Variants in SORCS3 observed in about 807,000 individuals in gnomAD.
SORCS3 encodes VPS10 domain-containing receptor SorCS3.
Under a neutral mutation model 146.3 loss-of-function variants are expected in SORCS3, and 57 were observed. The ratio of observed to expected loss-of-function variants is 0.39; its 90% CI spans 0.31 to 0.49. SORCS3 has a LOEUF of 0.49. Ranked by LOEUF, SORCS3 falls within the 20% of genes least tolerant of loss-of-function variation. The probability of loss-of-function intolerance (pLI) is 0.92; values close to 1 mark genes in which losing one functional copy is unlikely to be tolerated. For synonymous variants in SORCS3, 653 were observed against 618.5 expected (o/e 1.06, Z -0.83); for missense variants, 1,341 against 1,575.5 (o/e 0.85, Z 2.52).
chr10:104,757,400 A>G (rs2017066554), intron 1 of SORCS3, among the ~76,000 whole-genome samples: 1 of 152,074 alleles, frequency 6.6e-6, no homozygotes, highest in Non-Finnish European at 1.5e-5. Flanking sequence ...TCTTCATCTC[A>G]TTTGCAAAGC....
At chr10:105,100,644 A>T (rs1228056791) in intron 6 of SORCS3, among the ~76,000 whole-genome samples, 1 of 152,174 alleles carries the variant, frequency 6.6e-6, no homozygotes, top group Non-Finnish European at 1.5e-5. Context: ...CCGAACATCC[A>T]TTGCACTTAA....
chr10:104,970,287 C>G (rs2054852665), intron 3 of SORCS3, among the ~76,000 whole-genome samples: 2 of 152,072 alleles, frequency 1.3e-5, no homozygotes. Context: ...GCGGGGATTA[C>G]AGGTGTGTAC....
At position 104,867,027 on chromosome 10, in the gene SORCS3, C is replaced by T. The variant is rs182022941; in HGVS notation, c.695+24168C>T. On this transcript the variant is annotated intron_variant, in intron 2 of 26. Transcript: ENST00000369701. ...GAAGCCTACTGTGGCCTAGACACCA[C>T]GTGAGGAACTAGGGATTCCTGGGGT... Among the ~76,000 whole-genome samples, 218 of 152,188 alleles carry T rather than the reference C, an allele frequency of 1.4e-3. 1 individual carries two copies. Among genetic ancestry groups the T allele is most frequent in the Admixed American group, 8.1e-3 (124 of 15,280 alleles).
chr10:104,724,880 A>G (rs1167089020), intron 1 of SORCS3, among the ~76,000 whole-genome samples: 2 of 151,820 alleles, frequency 1.3e-5, no homozygotes, highest in Non-Finnish European at 2.9e-5. Context: ...CATTCGTCTA[A>G]TTTTTTTTCA....
chr10:104,736,721 T>G (rs2016777575), intron 1 of SORCS3, among the ~76,000 whole-genome samples: 1 of 152,068 alleles, frequency 6.6e-6, no homozygotes, highest in Non-Finnish European at 1.5e-5. Context: ...TTCAAAATAC[T>G]TCAATCTCAG....
chr10:104,708,234 T>C (rs1358724952), intron 1 of SORCS3, among the ~76,000 whole-genome samples: 3 of 152,174 alleles, frequency 2.0e-5, no homozygotes, highest in Non-Finnish European at 4.4e-5. Context: ...TGAGTAAATA[T>C]ACGGAACATT....
intron 3 of SORCS3, among the ~76,000 whole-genome samples, chr10:104,976,964 A>T (rs1161556674): frequency 1.3e-5 from 2 of 152,086 alleles, no homozygotes; most frequent in Non-Finnish European, 2.9e-5. Context: ...ATGCTAAATG[A>T]CGAGTTAATG....
intron 13 of SORCS3, 110 bp from the exon 14 acceptor site, chr10:105,177,956 C>A: frequency 1.4e-6 from 1 of 738,988 alleles, no homozygotes; most frequent in Non-Finnish European, 2.3e-6. Flanking sequence ...TGATAATCCA[C>A]ACTGCCAGAA....
chr10:105,018,666 C>T (rs1210151510), intron 4 of SORCS3, among the ~76,000 whole-genome samples: 1 of 152,148 alleles, frequency 6.6e-6, no homozygotes, highest in African/African-American at 2.4e-5. Flanking sequence ...CAAAATATAG[C>T]AATAATTCTA....
At chr10:104,849,972 C>T in intron 2 of SORCS3, among the ~76,000 whole-genome samples, 1 of 152,228 alleles carries the variant, frequency 6.6e-6, no homozygotes, top group East Asian at 1.9e-4. Flanking sequence ...TTTTCATACA[C>T]CAGATGCTGC....
chr10:104,871,328 A>G (rs2018516713), intron 2 of SORCS3, among the ~76,000 whole-genome samples: 2 of 152,324 alleles, frequency 1.3e-5, no homozygotes, highest in South Asian at 4.1e-4. Context: ...GGAGCTTTCC[A>G]GAAAAGTGGA....
intron 3 of SORCS3, among the ~76,000 whole-genome samples, chr10:104,917,283 T>G (rs2133601102): frequency 6.6e-6 from 1 of 152,318 alleles, no homozygotes; most frequent in East Asian, 1.9e-4. Context: ...ATTATTTAAA[T>G]TATTGGATTT....
chr10:104,843,508 T>C (rs1239429745), intron 2 of SORCS3, among the ~76,000 whole-genome samples: 2 of 152,216 alleles, frequency 1.3e-5, no homozygotes, highest in East Asian at 1.9e-4. Flanking sequence ...TAAAACACTT[T>C]TGGGGCCTCT....
intron 8 of SORCS3, among the ~76,000 whole-genome samples, chr10:105,143,874 C>T (rs774583625): frequency 2.0e-5 from 3 of 152,080 alleles, no homozygotes; most frequent in East Asian, 1.9e-4. Flanking sequence ...CATGGAGAAC[C>T]GGCTTCCTTG....
intron 4 of SORCS3, among the ~76,000 whole-genome samples, chr10:104,979,639 A>G (rs1034315989): frequency 7.2e-5 from 11 of 152,162 alleles, no homozygotes; most frequent in Admixed American, 2.6e-4. Flanking sequence ...TAACCTTTCT[A>G]TGTCTCGTTA....
chr10:104,684,035 G>A (rs2016013119), intron 1 of SORCS3, among the ~76,000 whole-genome samples: 2 of 152,278 alleles, frequency 1.3e-5, no homozygotes, highest in South Asian at 4.1e-4. Flanking sequence ...CCTCCACCAG[G>A]AGAGTTCACA....
At chr10:105,250,960 C>T (rs1315355015) in intron 22 of SORCS3, among the ~76,000 whole-genome samples, 1 of 152,090 alleles carries the variant, frequency 6.6e-6, no homozygotes, top group African/African-American at 2.4e-5. Context: ...GGAAAACAAC[C>T]AAACTCTCTG....
rs760500476 is a variant in SORCS3 at position 105,157,150 on chromosome 10, A to C, written c.1495A>C (p.Lys499Gln). 1.9e-6 allele frequency: 3 copies of C among 1,613,988 alleles called. No homozygotes were observed. Among genetic ancestry groups the C allele is most frequent in the Non-Finnish European group, 2.5e-6 (3 of 1,179,900 alleles). Residue 499 changes from lysine (K) to glutamine (Q), a missense_variant, in exon 10 of 27, where the codon AAA becomes CAA. Coordinates refer to ENST00000369701, the MANE Select transcript of SORCS3 (RefSeq NM_014978.3). ...IIELYEVAGI[K>Q]GIFLANKKVD... Reference sequence around the variant, plus strand: ...CCTTTTTTCCTAGGTAGCAGGTATCAAAGGGATATTTCTGGCAAACAAGAA... The same window carrying C: ...CCTTTTTTCCTAGGTAGCAGGTATCCAAGGGATATTTCTGGCAAACAAGAA...
intron 3 of SORCS3, among the ~76,000 whole-genome samples, chr10:104,926,777 T>C (rs1490893474): frequency 1.3e-5 from 2 of 152,262 alleles, no homozygotes; most frequent in South Asian, 2.1e-4. Flanking sequence ...AATATAGGTA[T>C]ATGGTTCTTT....
Sources: gnomAD v4.1 joint callset for allele counts (sites outside exome capture counted in the v4.1 genomes callset) on GRCh38, gnomAD v4.1.1 for gene constraint, MANE v1.5 for transcripts, NCBI Gene and HGNC (gene_info 2026-07-23, HGNC 2026-07-21) for gene names.